KIRREL3: variants seen among roughly 807,000 people sequenced by gnomAD.
The protein encoded by KIRREL3 is kirre like nephrin family adhesion molecule 3.
In KIRREL3, 36 loss-of-function variants were observed where a neutral mutation model predicts 89.7. The ratio of observed to expected loss-of-function variants is 0.40; its 90% CI spans 0.31 to 0.53. The LOEUF is 0.53. KIRREL3 is among the 20% of genes least tolerant of loss of function. KIRREL3 has a pLI of 0.49. For synonymous variants in KIRREL3, 445 were observed against 441.4 expected (o/e 1.01, Z -0.10); for missense variants, 864 against 1,056.6 (o/e 0.82, Z 2.53).
chr11:126,681,028 T>C (rs548119861), intron 1 of KIRREL3, among the ~76,000 whole-genome samples: 6 of 152,202 alleles, frequency 3.9e-5, no homozygotes, highest in African/African-American at 1.4e-4. Context: ...CTAAGGCAAA[T>C]GTGTGCATTT....
chr11:126,502,727 C>A (rs1241330511), intron 4 of KIRREL3, among the ~76,000 whole-genome samples: 1 of 152,214 alleles, frequency 6.6e-6, no homozygotes, highest in Non-Finnish European at 1.5e-5. Context: ...CTTCTCTAAG[C>A]CCAGCTTCTG....
Position 126,709,155 on chromosome 11 carries a change from C to T in KIRREL3, c.56-146243G>A, listed in dbSNP as rs7943614. ...TGCTTGTTTCATTTAATACCGTCAACGACCATATAAAGTGTGTTTGATTAT... is the reference window on the plus strand; with the variant it reads ...TGCTTGTTTCATTTAATACCGTCAATGACCATATAAAGTGTGTTTGATTAT... On this transcript the variant is annotated intron_variant, in intron 1 of 16. Transcript: ENST00000525144. The surrounding 1 kb of genome is among the most constrained non-coding windows in gnomAD (Gnocchi z 4.0). 0.018 allele frequency among the ~76,000 whole-genome samples: 2,684 copies of T among 152,302 alleles called. 49 individuals carry two copies. The highest frequency in any genetic ancestry group is 0.059 in the African/African-American group (2,438 of 41,550).
chr11:126,947,089 T>C (rs1219952957), intron 1 of KIRREL3, among the ~76,000 whole-genome samples: 2 of 152,156 alleles, frequency 1.3e-5, no homozygotes, highest in African/African-American at 2.4e-5. Context: ...TCAAAGCCAG[T>C]GTTTTCTGAA....
intron 1 of KIRREL3, among the ~76,000 whole-genome samples, chr11:126,913,753 T>G (rs1422565168): frequency 6.6e-6 from 1 of 152,210 alleles, no homozygotes; most frequent in African/African-American, 2.4e-5. Flanking sequence ...CTCTCAAGTC[T>G]GCTTGGAAAG....
chr11:126,682,497 A>G lies in KIRREL3; in HGVS notation c.56-119585T>C, dbSNP rs760735801. On this transcript the variant is annotated intron_variant, in intron 1 of 16. Coordinates refer to ENST00000525144, the MANE Select transcript of KIRREL3 (RefSeq NM_032531.4). The surrounding 1 kb of genome is among the most constrained non-coding windows in gnomAD (Gnocchi z 4.8). ...TTTACCAGGCTTTTTTTCACCTCAA[A>G]TGAGTGATGACCTCTGAGTGCGGAG... Among the ~76,000 whole-genome samples the G allele has an allele frequency of 1.3e-5, 2 of 152,030 alleles. No homozygotes were observed. The highest frequency in any genetic ancestry group is 2.9e-5 in the Non-Finnish European group (2 of 68,010).
intron 1 of KIRREL3, among the ~76,000 whole-genome samples, chr11:126,770,600 T>G (rs1461137556): frequency 6.6e-6 from 1 of 152,212 alleles, no homozygotes; most frequent in Non-Finnish European, 1.5e-5. Flanking sequence ...CGGCCTGTTA[T>G]GCACAGGTTT....
chr11:126,922,893 C>A (rs941413661), intron 1 of KIRREL3, among the ~76,000 whole-genome samples: 1 of 152,232 alleles, frequency 6.6e-6, no homozygotes, highest in African/African-American at 2.4e-5. Context: ...CATGTCTACC[C>A]TCTTCCCAGA....
At chr11:126,901,348 T>C (rs1946364130) in intron 1 of KIRREL3, among the ~76,000 whole-genome samples, 1 of 152,132 alleles carries the variant, frequency 6.6e-6, no homozygotes, top group African/African-American at 2.4e-5. Context: ...GACAAATGAC[T>C]CATCTTCACC....
chr11:126,445,117 G>A lies in KIRREL3; in HGVS notation c.1126-12C>T, dbSNP rs1429207310. On this transcript the variant is annotated splice_polypyrimidine_tract_variant and intron_variant, in intron 9 of 16. Coordinates refer to ENST00000525144, the MANE Select transcript of KIRREL3 (RefSeq NM_032531.4). Reference sequence around the variant, plus strand: ...TCATTGCTCAGGACCTAGGAGAATTGGCAGGCTCAGATGCCAAGAGCAGGC... The same window carrying A: ...TCATTGCTCAGGACCTAGGAGAATTAGCAGGCTCAGATGCCAAGAGCAGGC... 2.5e-6 allele frequency: 4 copies of A among 1,613,610 alleles called. No homozygotes were observed. Among genetic ancestry groups the A allele is most frequent in the Non-Finnish European group, 2.5e-6 (3 of 1,179,686 alleles).
intron 1 of KIRREL3, among the ~76,000 whole-genome samples, chr11:126,718,771 G>GA (rs1948061668): frequency 6.6e-6 from 1 of 152,164 alleles, no homozygotes; most frequent in Non-Finnish European, 1.5e-5. Flanking sequence ...CAGGGGCAGG[G>GA]AAGCTATGGG....
At chr11:126,502,191 C>G (rs1957886271) in intron 4 of KIRREL3, among the ~76,000 whole-genome samples, 1 of 152,238 alleles carries the variant, frequency 6.6e-6, no homozygotes, top group Non-Finnish European at 1.5e-5. Flanking sequence ...TTCAGCCATT[C>G]AAAAGTTCTC....
chr11:126,749,024 C>T lies in KIRREL3; in HGVS notation c.56-186112G>A, dbSNP rs185644136. Reference sequence around the variant, plus strand: ...ATCAGCTTTTCATCTCCTCTCCCTGCAGTCTCCAGGTGGCAGGGGGTTGCG... The same window carrying T: ...ATCAGCTTTTCATCTCCTCTCCCTGTAGTCTCCAGGTGGCAGGGGGTTGCG... On this transcript the variant is annotated intron_variant, in intron 1 of 16. Coordinates refer to ENST00000525144, the MANE Select transcript of KIRREL3 (RefSeq NM_032531.4). Among the ~76,000 whole-genome samples, 104 of 152,318 alleles carry T rather than the reference C, an allele frequency of 6.8e-4. No individual in the cohort carries two copies. In the Middle Eastern group the frequency reaches 0.014, roughly 20 times the overall value.
chr11:126,698,841 C>T (rs936264837), intron 1 of KIRREL3, among the ~76,000 whole-genome samples: 2 of 152,208 alleles, frequency 1.3e-5, no homozygotes, highest in East Asian at 1.9e-4. Flanking sequence ...GTGCACAGAG[C>T]CCAGTAGGAA....
chr11:126,442,679 C>T (rs967882144), intron 10 of KIRREL3, among the ~76,000 whole-genome samples: 8 of 152,264 alleles, frequency 5.3e-5, no homozygotes, highest in Non-Finnish European at 8.8e-5. Flanking sequence ...GCCCAGGTCC[C>T]ATCCACTGGG....
chr11:126,796,124 A>G lies in KIRREL3; in HGVS notation c.55+204331T>C, dbSNP rs1950802583. Among the ~76,000 whole-genome samples, 1 of 152,110 alleles carries G rather than the reference A, an allele frequency of 6.6e-6. No individual in the cohort carries two copies. Among genetic ancestry groups the G allele is most frequent in the South Asian group, 2.1e-4 (1 of 4,812 alleles). ...CATGGATCTTATTTTAGTTTTGCTA[A>G]TGCAATAAAGTTGGAATCCTGAACA... is the stretch of plus-strand genomic sequence containing the variant. On this transcript the variant is annotated intron_variant, in intron 1 of 16. Coordinates refer to ENST00000525144, the MANE Select transcript of KIRREL3 (RefSeq NM_032531.4). This position sits in a 1 kb window ranked among gnomAD's most constrained non-coding sequence, Gnocchi z 5.1.
chr11:126,980,922 T>C (rs1949705076), intron 1 of KIRREL3, among the ~76,000 whole-genome samples: 1 of 152,116 alleles, frequency 6.6e-6, no homozygotes, highest in African/African-American at 2.4e-5. Flanking sequence ...GTGCTAGGAG[T>C]GTGAACGTGG....
At chr11:126,434,013 C>CCAGGGAGGTGGG (rs1215118109) in intron 13 of KIRREL3, among the ~76,000 whole-genome samples, 2 of 152,222 alleles carry the variant, frequency 1.3e-5, no homozygotes, top group African/African-American at 4.8e-5. Context: ...ACAACGGTCA[C>CCAGGGAGGTGGG]CAGGGAGGTG....
chr11:126,753,438 A>AT (rs1949400771), intron 1 of KIRREL3, among the ~76,000 whole-genome samples: 1 of 152,226 alleles, frequency 6.6e-6, no homozygotes, highest in Admixed American at 6.5e-5. Flanking sequence ...GGAAAAAACA[A>AT]CAAGCAAATA....
At chr11:126,457,687 G>A (rs1213971042) in intron 6 of KIRREL3, among the ~76,000 whole-genome samples, 1 of 152,144 alleles carries the variant, frequency 6.6e-6, no homozygotes, top group Non-Finnish European at 1.5e-5. Context: ...ATGGAGAGAT[G>A]GAGAGACTGA....
Sources: gnomAD v4.1 joint callset for allele counts (sites outside exome capture counted in the v4.1 genomes callset) on GRCh38, gnomAD v4.1.1 for gene constraint, Gnocchi (gnomAD v3.1) non-coding constraint, MANE v1.5 for transcripts, NCBI Gene and HGNC (gene_info 2026-07-23, HGNC 2026-07-21) for gene names.